COPG2: variants seen among roughly 807,000 people sequenced by gnomAD.
The protein encoded by COPG2 is coat protein complex I subunit gamma 2.
A neutral mutation model predicts 46.3 loss-of-function variants in COPG2; 37 were observed. That is an observed-to-expected ratio of 0.80 (90% CI 0.61 to 1.05). COPG2 has a LOEUF of 1.05. Ranked by LOEUF, COPG2 falls within the 50% of genes least tolerant of loss-of-function variation. The pLI is 0.00. For synonymous variants in COPG2, 159 were observed against 129.7 expected, an observed-to-expected ratio of 1.23 and a Z score of -1.53; for missense variants, 427 against 387.8, an observed-to-expected ratio of 1.10 and a Z score of -0.85.
At chr7:130,576,881 C>G (rs563519127) in intron 9 of COPG2, among the ~76,000 whole-genome samples, 1 of 152,150 alleles carries the variant, frequency 6.6e-6, no homozygotes, top group African/African-American at 2.4e-5. Flanking sequence ...CAAGATCAAC[C>G]AAGAAGAGAG....
intron 20 of COPG2, among the ~76,000 whole-genome samples, chr7:130,536,170 T>C (rs1799877578): frequency 6.6e-6 from 1 of 151,766 alleles, no homozygotes; most frequent in Non-Finnish European, 1.5e-5. Context: ...TTGGGCACGA[T>C]GTGTGTTAAG....
intron 20 of COPG2, among the ~76,000 whole-genome samples, chr7:130,529,830 A>C (rs1163352367): frequency 1.3e-5 from 2 of 152,228 alleles, no homozygotes; most frequent in Non-Finnish European, 2.9e-5. Context: ...TTAGGACATA[A>C]TGCGATGGAG....
chr7:130,619,489 C>T (rs1433441017), intron 5 of COPG2, among the ~76,000 whole-genome samples: 2 of 152,152 alleles, frequency 1.3e-5, no homozygotes, highest in Non-Finnish European at 2.9e-5. Flanking sequence ...GCTTTCTCCT[C>T]TCTCATCTGC....
chr7:130,597,229 G>A (rs533250510), intron 9 of COPG2, among the ~76,000 whole-genome samples: 18 of 152,334 alleles, frequency 1.2e-4, no homozygotes, highest in African/African-American at 3.8e-4. Flanking sequence ...TGCCCACAGT[G>A]CATTTCCTAC....
At chr7:130,651,402 C>T (rs1405362398) in intron 5 of COPG2, among the ~76,000 whole-genome samples, 2 of 151,666 alleles carry the variant, frequency 1.3e-5, no homozygotes, top group African/African-American at 4.8e-5. Context: ...CCGCAATCTC[C>T]ACCTCCCAGG....
At chr7:130,521,845 T>C (rs36163687) in intron 20 of COPG2, among the ~76,000 whole-genome samples, 119,222 of 152,052 alleles carry the variant, frequency 0.78, 47,149 homozygotes, top group Non-Finnish European at 0.85. Flanking sequence ...ACCAAAGATA[T>C]GGAAGGGAAA....
chr7:130,594,428 T>TA (rs1409995199), intron 9 of COPG2, among the ~76,000 whole-genome samples: 1 of 152,198 alleles, frequency 6.6e-6, no homozygotes, highest in Non-Finnish European at 1.5e-5. Flanking sequence ...AAAACAGGTG[T>TA]AAATCTTTGT....
At chr7:130,526,294 G>A (rs1584963535) in intron 20 of COPG2, among the ~76,000 whole-genome samples, 2 of 152,164 alleles carry the variant, frequency 1.3e-5, no homozygotes, top group Non-Finnish European at 2.9e-5. Flanking sequence ...GAGCGGTGAG[G>A]AGAGCAGGTC....
chr7:130,579,534 A>C (rs1289359068), intron 9 of COPG2, among the ~76,000 whole-genome samples: 1 of 152,118 alleles, frequency 6.6e-6, no homozygotes, highest in African/African-American at 2.4e-5. Flanking sequence ...AAATGCTCCA[A>C]TTAAAAGACA....
intron 4 of COPG2, among the ~76,000 whole-genome samples, chr7:130,661,234 T>C (rs569790166): frequency 9.6e-4 from 147 of 152,344 alleles, no homozygotes; most frequent in African/African-American, 3.2e-3. Flanking sequence ...TTTGTCCTCA[T>C]CCTTTTTCTT....
chr7:130,539,478 G>A (rs1401795950), intron 20 of COPG2, among the ~76,000 whole-genome samples: 8 of 152,284 alleles, frequency 5.3e-5, no homozygotes, highest in East Asian at 1.9e-4. Context: ...GATAGAGAGA[G>A]GATGGAAAAG....
chr7:130,507,971 G>A (rs1799529030), intron 21 of COPG2, 148 bp from the exon 22 acceptor site: 2 of 611,368 alleles, frequency 3.3e-6, no homozygotes, highest in Non-Finnish European at 5.8e-6. Context: ...ATCTAATGTT[G>A]TAGCCCTTAG....
intron 5 of COPG2, among the ~76,000 whole-genome samples, chr7:130,621,996 T>G (rs1554453681): frequency 6.6e-6 from 1 of 151,918 alleles, no homozygotes; most frequent in Admixed American, 6.6e-5. Context: ...TTACATGGTT[T>G]TGGCCATGTA....
rs1033025630 is a variant in COPG2, at chr7:130,667,475, G to C, written c.90+7C>G. The C allele has an allele frequency of 6.2e-7, 1 of 1,611,816 alleles. No individual in the cohort carries two copies. The highest frequency in any genetic ancestry group is 1.3e-5 in the African/African-American group (1 of 74,988). ...AAGAAAGGGCACAAGATACTTCCCA[G>C]TCATACCTCCTGTAAAACAGCACTC... On this transcript the variant is annotated splice_region_variant and intron_variant, in intron 2 of 23. Coordinates refer to ENST00000425248, the MANE Select transcript of COPG2 (RefSeq NM_012133.6).
intron 10 of COPG2, among the ~76,000 whole-genome samples, chr7:130,563,582 T>C (rs1793752070): frequency 6.6e-6 from 1 of 151,478 alleles, no homozygotes; most frequent in Admixed American, 6.6e-5. Context: ...ATCAAAAATT[T>C]ACATGAAAAA....
intron 12 of COPG2, among the ~76,000 whole-genome samples, 194 bp downstream of exon 12, chr7:130,560,839 A>G (rs1793707229): frequency 6.6e-6 from 1 of 152,220 alleles, no homozygotes; most frequent in South Asian, 2.1e-4. Flanking sequence ...TAAAACCATA[A>G]AGCATTTAGC....
chr7:130,583,467 G>A (rs2116444443), intron 9 of COPG2, among the ~76,000 whole-genome samples: 1 of 127,004 alleles, frequency 7.9e-6, no homozygotes, highest in East Asian at 2.3e-4. Context: ...TGCACAATGT[G>A]CACATGTACC....
chr7:130,590,781 G>A (rs1794387571), intron 9 of COPG2, among the ~76,000 whole-genome samples: 1 of 151,510 alleles, frequency 6.6e-6, no homozygotes, highest in South Asian at 2.1e-4. Context: ...GAGCGTCTCT[G>A]CCTGGCCGCC....
intron 5 of COPG2, among the ~76,000 whole-genome samples, chr7:130,647,679 T>C (rs1286918334): frequency 6.6e-6 from 1 of 152,078 alleles, no homozygotes; most frequent in East Asian, 1.9e-4. Flanking sequence ...TTTGGTATTG[T>C]CAAGCTTTTT....
Sources: gnomAD v4.1 joint callset for allele counts (sites outside exome capture counted in the v4.1 genomes callset) on GRCh38, gnomAD v4.1.1 for gene constraint, MANE v1.5 for transcripts, NCBI Gene and HGNC (gene_info 2026-07-23, HGNC 2026-07-21) for gene names.